SYT13: variants seen among roughly 807,000 people sequenced by gnomAD.
SYT13 encodes the protein synaptotagmin 13.
SYT13 carries 21 observed loss-of-function variants against 38.6 expected under a neutral mutation model. The ratio of observed to expected loss-of-function variants is 0.54; its 90% CI spans 0.39 to 0.78. SYT13 has a LOEUF of 0.78. SYT13 is among the 30% of genes least tolerant of loss of function. SYT13 has a pLI of 0.00. For synonymous variants in SYT13, 241 were observed against 237.6 expected (o/e 1.01, Z -0.13); for missense variants, 495 against 548.7 (o/e 0.90, Z 0.98).
At chr11:45,263,075 C>T (rs1250754181) in intron 1 of SYT13, among the ~76,000 whole-genome samples, 2 of 152,186 alleles carry the variant, frequency 1.3e-5, no homozygotes, top group Non-Finnish European at 2.9e-5. Context: ...CATTCCCTGG[C>T]TCCTGCTTCC....
At position 45,240,302 on chromosome 11, in the gene SYT13, C is replaced by A. The variant is rs1021230858; in HGVS notation, c.*3750G>T. ...AAAAAAGAAAACACCAGGCAGCTGACCCTGTTGGAAATTTTTTATTTACCA... is the reference window on the plus strand; with the variant it reads ...AAAAAAGAAAACACCAGGCAGCTGAACCTGTTGGAAATTTTTTATTTACCA... On this transcript the variant is annotated 3_prime_UTR_variant, in exon 6 of 6. Coordinates refer to ENST00000020926, the MANE Select transcript of SYT13 (RefSeq NM_020826.3). The A allele has an allele frequency of 6.6e-6, 1 of 152,638 alleles. No homozygotes were observed. Among genetic ancestry groups the A allele is most frequent in the Non-Finnish European group, 1.5e-5 (1 of 68,040 alleles). 9.5% of individuals were successfully genotyped at this position (152,638 alleles called of 1,614,324 possible). A position where few individuals can be genotyped will look rare whatever the true frequency, so the allele number is the denominator to read the frequency against.
At chr11:45,270,017 A>T (rs570469148) in intron 1 of SYT13, among the ~76,000 whole-genome samples, 1 of 152,218 alleles carries the variant, frequency 6.6e-6, no homozygotes, top group African/African-American at 2.4e-5. Flanking sequence ...TTTTCACTCC[A>T]GCCACCCTAC....
intron 4 of SYT13, among the ~76,000 whole-genome samples, chr11:45,248,763 T>G (rs896213100): frequency 5.9e-5 from 9 of 152,206 alleles, no homozygotes; most frequent in African/African-American, 2.2e-4. Flanking sequence ...CTCTGCTACC[T>G]ACAGACCAGG....
In SYT13 at chr11:45,286,181, C is replaced by G. The variant is rs369917641; in HGVS notation, c.27G>C (p.Ala9=). 3 of 1,575,670 alleles carry G rather than the reference C, an allele frequency of 1.9e-6. No individual in the cohort carries two copies. Among genetic ancestry groups the G allele is most frequent in the Admixed American group, 1.9e-5 (1 of 53,464 alleles). The change falls in exon 1 of 6, where the codon GCG becomes GCC. Residue 9 remains alanine (A), a synonymous_variant. Transcript: ENST00000020926. MVLSVPVI[A]LGATLGTATS... ...TGGCTGTGCCCAGCGTGGCGCCCAG[C>G]GCGATCACAGGCACCGACAGCACCA...
intron 1 of SYT13, among the ~76,000 whole-genome samples, chr11:45,264,252 T>G (rs1000664): frequency 0.78 from 118,451 of 152,036 alleles, 47,206 homozygotes; most frequent in Non-Finnish European, 0.87. Context: ...GACCTCTCAG[T>G]GTCCCGTCCC....
Position 45,252,802 on chromosome 11 carries a change from T to C in SYT13, c.545-80A>G. ...GGCAGAAGCACGCCTTGCTTAGGGCTGTGGAATCCAGCTTAACGACGTGAC... is the reference window on the plus strand; with the variant it reads ...GGCAGAAGCACGCCTTGCTTAGGGCCGTGGAATCCAGCTTAACGACGTGAC... On this transcript the variant is annotated intron_variant, in intron 3 of 5. Transcript: ENST00000020926. This position sits in a 1 kb window ranked among gnomAD's most constrained non-coding sequence, Gnocchi z 4.3. 1 of 1,447,612 alleles carries C rather than the reference T, an allele frequency of 6.9e-7. No homozygotes were observed. The highest frequency in any genetic ancestry group is 9.2e-7 in the Non-Finnish European group (1 of 1,085,442). 89.7% of individuals were successfully genotyped at this position (1,447,612 alleles called of 1,614,324 possible).
chr11:45,279,661 A>G lies in SYT13; in HGVS notation c.183+6364T>C, dbSNP rs138473433. Among the ~76,000 whole-genome samples the G allele has an allele frequency of 3.5e-3, 526 of 152,336 alleles. 6 individuals carry two copies. The highest frequency in any genetic ancestry group is 0.011 in the African/African-American group (475 of 41,572). ...ATAAAGAACTTGATAAATGTTAGCTATTCTATCACTATTATTTATTACTGT... is the reference window on the plus strand; with the variant it reads ...ATAAAGAACTTGATAAATGTTAGCTGTTCTATCACTATTATTTATTACTGT... On this transcript the variant is annotated intron_variant, in intron 1 of 5. Transcript: ENST00000020926.
intron 1 of SYT13, among the ~76,000 whole-genome samples, chr11:45,257,948 C>T (rs79857990): frequency 0.027 from 4,119 of 152,296 alleles, 196 homozygotes; most frequent in African/African-American, 0.094. Context: ...AACTGAGGCT[C>T]GGAGAGATAA....
At chr11:45,285,688 C>G (rs1855125377) in intron 1 of SYT13, among the ~76,000 whole-genome samples, 1 of 151,986 alleles carries the variant, frequency 6.6e-6, no homozygotes, top group African/African-American at 2.4e-5. Flanking sequence ...CTCCCAGCCT[C>G]CCTCTCCTCT....
At position 45,286,049 on chromosome 11, in the gene SYT13, G is replaced by A. The variant is rs556585168; in HGVS notation, c.159C>T (p.Pro53=). The A allele has an allele frequency of 2.1e-4, 335 of 1,609,298 alleles. 4 individuals are homozygous for A. The South Asian group carries it at 3.5e-3, about 17-fold the overall frequency. ...CCTGTTGTGCAGACCCGAGCAAGCT[G>A]GGCTTCGCCTTCTCCAGGTCGGGGT... ...DQDPDLEKAK[P]SLLGSAQQFN... Residue 53 remains proline (P), a synonymous_variant, in exon 1 of 6, where the codon CCC becomes CCT. Coordinates refer to ENST00000020926, the MANE Select transcript of SYT13 (RefSeq NM_020826.3).
intron 5 of SYT13, among the ~76,000 whole-genome samples, chr11:45,245,018 T>A (rs1348956779): frequency 6.6e-6 from 1 of 152,224 alleles, no homozygotes; most frequent in Non-Finnish European, 1.5e-5. Context: ...GGTGTAAGCA[T>A]GTTTGTCTGT....
At position 45,255,760 on chromosome 11, in the gene SYT13, C is replaced by T. The variant is rs200250220; in HGVS notation, c.315G>A (p.Thr105=). 33 of 1,614,138 alleles carry T rather than the reference C, an allele frequency of 2.0e-5. No individual in the cohort carries two copies. Among genetic ancestry groups the T allele is most frequent in the African/African-American group, 2.7e-5 (2 of 75,014 alleles). ...GGCTGGCAGGTGCAGTGGGCTCCTC[C>T]GTAGACCTCAGTGAATAGTCTGCAT... is the stretch of plus-strand genomic sequence containing the variant. ...INYADYSLRS[T]EEPTAPASPQ... The change falls in exon 2 of 6, where the codon ACG becomes ACA. Residue 105 remains threonine, a synonymous_variant. Transcript: ENST00000020926.
chr11:45,281,890 C>T (rs1382414319), intron 1 of SYT13, among the ~76,000 whole-genome samples: 1 of 152,152 alleles, frequency 6.6e-6, no homozygotes, highest in Non-Finnish European at 1.5e-5. Flanking sequence ...GAGGCGGGTG[C>T]CTGCCAAATG....
At chr11:45,251,111 C>T (rs1026964626) in intron 4 of SYT13, among the ~76,000 whole-genome samples, 3 of 151,970 alleles carry the variant, frequency 2.0e-5, no homozygotes, top group South Asian at 2.1e-4. Context: ...TACCCTTGGC[C>T]GGGTGCAGTG....
At chr11:45,246,250 G>A in intron 5 of SYT13, 133 bp downstream of exon 5, 1 of 1,309,760 alleles carries the variant, frequency 7.6e-7, no homozygotes, top group South Asian at 1.5e-5. Context: ...ACACCGCTGA[G>A]CATGGCTCCG....
rs1044735685 is a variant in SYT13, at chr11:45,266,945, T to C, written c.184-11054A>G. 2.0e-5 allele frequency among the ~76,000 whole-genome samples: 3 copies of C among 152,246 alleles called. No individual in the cohort carries two copies. In the East Asian group the frequency reaches 5.8e-4, roughly 29 times the overall value. ...ACCTCAAGGCTGAACACAATAAAAG[T>C]TGATTTCTCACAGTCTGAAAAGGGC... On this transcript the variant is annotated intron_variant, in intron 1 of 5. Coordinates refer to ENST00000020926, the MANE Select transcript of SYT13 (RefSeq NM_020826.3).
Position 45,269,364 on chromosome 11 carries a change from A to AC in SYT13, c.184-13474_184-13473insG, listed in dbSNP as rs1854922064. 3.2e-6 allele frequency: 3 copies of AC among 941,872 alleles called. No individual in the cohort carries two copies. In the South Asian group the frequency reaches 6.8e-5, roughly 21 times the overall value. The allele number at this position is 941,872 out of a possible 1,614,324, so 58.3% of individuals were successfully genotyped here. A position where few individuals can be genotyped will look rare whatever the true frequency, so the allele number is the denominator to read the frequency against. ...ACAAAACAAACAAACAAACAAACAA[A>AC]AAACTCCGTGGGACTGGAAACCCCA... On this transcript the variant is annotated intron_variant, in intron 1 of 5. Coordinates refer to ENST00000020926, the MANE Select transcript of SYT13 (RefSeq NM_020826.3).
rs559174873 is a variant in SYT13, at chr11:45,284,844, G to T, written c.183+1181C>A. 5.3e-5 allele frequency among the ~76,000 whole-genome samples: 8 copies of T among 152,334 alleles called. No homozygotes were observed. The East Asian group carries it at 1.5e-3, about 29-fold the overall frequency. On this transcript the variant is annotated intron_variant, in intron 1 of 5. Transcript: ENST00000020926. ...CCCAAGTCCCACATTCTGCTGTGCA[G>T]CCGGCTCCTATTTAGCCACTGTCAA...
At chr11:45,264,410 C>G (rs778380206) in intron 1 of SYT13, among the ~76,000 whole-genome samples, 3 of 152,182 alleles carry the variant, frequency 2.0e-5, no homozygotes, top group African/African-American at 7.2e-5. Context: ...TTTCCTTGCT[C>G]TCTCTCACCC....
Sources: gnomAD v4.1 joint callset for allele counts (sites outside exome capture counted in the v4.1 genomes callset) on GRCh38, gnomAD v4.1.1 for gene constraint, Gnocchi (gnomAD v3.1) non-coding constraint, MANE v1.5 for transcripts, NCBI Gene and HGNC (gene_info 2026-07-23, HGNC 2026-07-21) for gene names.